C10orf90: variants seen among roughly 807,000 people sequenced by gnomAD.
C10orf90 encodes the protein (E2-independent) E3 ubiquitin-conjugating enzyme FATS.
In C10orf90, 56 loss-of-function variants were observed where a neutral mutation model predicts 62.5. The ratio of observed to expected loss-of-function variants is 0.90; its 90% confidence interval spans 0.72 to 1.12. The LOEUF (loss-of-function observed/expected upper bound fraction) is 1.12, where lower values mean the gene tolerates loss of function less well. Ranked by LOEUF, C10orf90 falls within the 50% of genes most tolerant of loss-of-function variation. The probability of loss-of-function intolerance (pLI) is 0.00; values close to 1 mark genes in which losing one functional copy is unlikely to be tolerated. For missense variants in C10orf90, 970 were observed against 880.4 expected, an observed-to-expected ratio of 1.10 and a Z score of -1.29; for synonymous variants, 386 against 340.4, an observed-to-expected ratio of 1.13 and a Z score of -1.47.
intron 2 of C10orf90, among the ~76,000 whole-genome samples, chr10:126,637,018 T>C (rs1205169376): frequency 1.3e-5 from 2 of 152,110 alleles, no homozygotes; most frequent in South Asian, 2.1e-4. Flanking sequence ...GCTCTTGATA[T>C]ACAACTAACA....
intron 7 of C10orf90, among the ~76,000 whole-genome samples, chr10:126,450,084 A>G (rs7076654): frequency 0.47 from 71,639 of 151,808 alleles, 17,040 homozygotes; most frequent in African/African-American, 0.53. Flanking sequence ...TTACACTGAC[A>G]TCACAAAAAT....
rs1333762593 is a variant in C10orf90 at position 126,504,831 on chromosome 10, C to A, written c.660G>T (p.Pro220=). The change falls in exon 4 of 10, where the codon CCG becomes CCT. Residue 220 remains proline, a synonymous_variant. Transcript: ENST00000488181. The surrounding 1 kb of genome is among the most constrained non-coding windows in gnomAD (Gnocchi z 4.1). ...SDERGPEAEL[P]PKEERPCGGP... is the part of the protein sequence containing the mutation. ...CCCCACAGGGTCTCTCCTCTTTGGGCGGCAGCTCTGCCTCAGGTCCTCGCT... is the reference window on the plus strand; with the variant it reads ...CCCCACAGGGTCTCTCCTCTTTGGGAGGCAGCTCTGCCTCAGGTCCTCGCT... 7 of 1,602,432 alleles carry A rather than the reference C, an allele frequency of 4.4e-6. No individual in the cohort carries two copies. Among genetic ancestry groups the A allele is most frequent in the Non-Finnish European group, 6.0e-6 (7 of 1,173,400 alleles).
At chr10:126,608,073 A>G (rs1377916787) in intron 2 of C10orf90, among the ~76,000 whole-genome samples, 1 of 152,186 alleles carries the variant, frequency 6.6e-6, no homozygotes, top group Admixed American at 6.5e-5. Context: ...ATGGTGGTCA[A>G]TGTTGCACAA....
chr10:126,452,840 T>C (rs1859292323), intron 7 of C10orf90, among the ~76,000 whole-genome samples: 1 of 152,268 alleles, frequency 6.6e-6, no homozygotes, highest in Non-Finnish European at 1.5e-5. Flanking sequence ...AATTTATTTT[T>C]ATCTGATAAG....
chr10:126,658,698 T>C (rs1342706291), intron 1 of C10orf90, among the ~76,000 whole-genome samples: 1 of 152,210 alleles, frequency 6.6e-6, no homozygotes, highest in African/African-American at 2.4e-5. Context: ...GGCTACAGAA[T>C]AGAATGAAAA....
intron 2 of C10orf90, among the ~76,000 whole-genome samples, chr10:126,542,359 T>G (rs774484631): frequency 6.6e-6 from 1 of 151,866 alleles, no homozygotes; most frequent in African/African-American, 2.4e-5. Flanking sequence ...AAAAATTAGC[T>G]GGGTGTGGTG....
intron 1 of C10orf90, among the ~76,000 whole-genome samples, chr10:126,669,218 T>C (rs1245147748): frequency 6.6e-6 from 1 of 152,272 alleles, no homozygotes; most frequent in Non-Finnish European, 1.5e-5. Context: ...TTACTGAATT[T>C]AATTAGCACC....
chr10:126,501,059 G>A (rs773208317), intron 4 of C10orf90, among the ~76,000 whole-genome samples: 3 of 152,218 alleles, frequency 2.0e-5, no homozygotes, highest in Non-Finnish European at 2.9e-5. Context: ...AATAGCATGT[G>A]TAACCACAGG....
At chr10:126,507,117 G>A (rs1370890034) in intron 3 of C10orf90, among the ~76,000 whole-genome samples, 1 of 152,116 alleles carries the variant, frequency 6.6e-6, no homozygotes, top group Non-Finnish European at 1.5e-5. Context: ...CAGCACTTTG[G>A]GAGGCCAAGG....
At chr10:126,471,751 T>C (rs1189476565) in intron 4 of C10orf90, among the ~76,000 whole-genome samples, 1 of 152,188 alleles carries the variant, frequency 6.6e-6, no homozygotes, top group Non-Finnish European at 1.5e-5. Flanking sequence ...TATATATATC[T>C]ACCCACACAA....
At chr10:126,539,858 G>A (rs1465137496) in intron 2 of C10orf90, among the ~76,000 whole-genome samples, 1 of 152,172 alleles carries the variant, frequency 6.6e-6, no homozygotes, top group Non-Finnish European at 1.5e-5. Flanking sequence ...GAAGAGGCAA[G>A]CATTCCCAGG....
chr10:126,527,823 A>G (rs879801299), intron 2 of C10orf90, among the ~76,000 whole-genome samples: 8 of 152,208 alleles, frequency 5.3e-5, no homozygotes, highest in Non-Finnish European at 8.8e-5. Flanking sequence ...TATCCGGCAA[A>G]TATTTAGATA....
intron 4 of C10orf90, among the ~76,000 whole-genome samples, chr10:126,474,705 CTT>C (rs1345059969): frequency 4.6e-5 from 7 of 150,586 alleles, no homozygotes; most frequent in African/African-American, 1.7e-4. Flanking sequence ...TGTGAATGGA[CTT>C]AACTTATCTT....
intron 2 of C10orf90, among the ~76,000 whole-genome samples, chr10:126,540,093 A>T (rs887002318): frequency 2.0e-5 from 3 of 152,238 alleles, no homozygotes; most frequent in Non-Finnish European, 4.4e-5. Context: ...ATTAGAAAAT[A>T]TCAGGAGAAA....
intron 1 of C10orf90, among the ~76,000 whole-genome samples, chr10:126,653,242 C>A (rs1025545180): frequency 1.3e-5 from 2 of 152,196 alleles, no homozygotes; most frequent in African/African-American, 2.4e-5. Flanking sequence ...TTGACTCTTC[C>A]TTTCACGAAA....
chr10:126,469,923 GGGAA>G (rs1162015147), intron 4 of C10orf90: 1 of 456,650 alleles, frequency 2.2e-6, no homozygotes, highest in Non-Finnish European at 4.4e-6. Context: ...TGCTGCAGAG[GGGAA>G]GGAAGGTGTT....
At chr10:126,640,301 G>C (rs957884147) in intron 2 of C10orf90, among the ~76,000 whole-genome samples, 6 of 152,248 alleles carry the variant, frequency 3.9e-5, no homozygotes, top group African/African-American at 1.2e-4. Flanking sequence ...AGCTCTTGAA[G>C]AGCAGAAAGG....
At chr10:126,532,014 T>C (rs549707939) in intron 2 of C10orf90, among the ~76,000 whole-genome samples, 1 of 152,332 alleles carries the variant, frequency 6.6e-6, no homozygotes, top group South Asian at 2.1e-4. Context: ...ACACATTTGG[T>C]TAGTTTCTGG....
At chr10:126,507,855 T>C (rs2133899108) in intron 3 of C10orf90, among the ~76,000 whole-genome samples, 1 of 152,282 alleles carries the variant, frequency 6.6e-6, no homozygotes, top group South Asian at 2.1e-4. Context: ...CTTCCCCTTG[T>C]AGCACTTTTT....
Sources: gnomAD v4.1 joint callset for allele counts (sites outside exome capture counted in the v4.1 genomes callset) on GRCh38, gnomAD v4.1.1 for gene constraint, Gnocchi (gnomAD v3.1) non-coding constraint, MANE v1.5 for transcripts, NCBI Gene and HGNC (gene_info 2026-07-23, HGNC 2026-07-21) for gene names.